Variants in MTBP observed in about 807,000 individuals in gnomAD.
The protein encoded by MTBP is MDM2 binding protein.
Under a neutral mutation model 117.0 loss-of-function variants are expected in MTBP, and 101 were observed. That is an observed-to-expected ratio of 0.86 (90% CI 0.73 to 1.02). The LOEUF is 1.02. Among genes scored for constraint, MTBP ranks in the 50% least tolerant of loss-of-function variants. The probability of loss-of-function intolerance (pLI) is 0.00; values close to 1 mark genes in which losing one functional copy is unlikely to be tolerated. For synonymous variants in MTBP, 350 were observed against 351.5 expected, an observed-to-expected ratio of 1.00 and a Z score of 0.05; for missense variants, 970 against 1,030.9, an observed-to-expected ratio of 0.94 and a Z score of 0.81.
In MTBP at chr8:120,455,598, A is replaced by T; in HGVS notation, c.629+19A>T. 6.2e-7 allele frequency: 1 copy of T among 1,600,384 alleles called. No homozygotes were observed. Among genetic ancestry groups the T allele is most frequent in the Non-Finnish European group, 8.5e-7 (1 of 1,175,150 alleles). ...GTGAAATGTAAGCTTCTTTGTTCAT[A>T]TTTGATTATTGTCTGCCTTGTCTGT... On this transcript the variant is annotated intron_variant, in intron 6 of 21. Coordinates refer to ENST00000305949, the MANE Select transcript of MTBP (RefSeq NM_022045.5).
intron 11 of MTBP, chr8:120,473,177 T>C (rs2130552112): frequency 6.6e-6 from 1 of 152,304 alleles, no homozygotes; most frequent in South Asian, 2.1e-4. Context: ...GCTATATTCT[T>C]TTTTTAAATT....
intron 19 of MTBP, 36 bp downstream of exon 19, chr8:120,518,136 T>G (rs1298753926): frequency 6.5e-7 from 1 of 1,530,700 alleles, no homozygotes; most frequent in African/African-American, 1.4e-5. Flanking sequence ...TAGTTCTACA[T>G]AGGAAGACTT....
At chr8:120,475,876 C>A (rs1813924209) in intron 11 of MTBP, among the ~76,000 whole-genome samples, 1 of 151,916 alleles carries the variant, frequency 6.6e-6, no homozygotes, top group Admixed American at 6.6e-5. Flanking sequence ...TCATCTGCAA[C>A]CTAAACAAAT....
At chr8:120,515,023 G>A (rs985175748) in intron 17 of MTBP, among the ~76,000 whole-genome samples, 5 of 142,444 alleles carry the variant, frequency 3.5e-5, no homozygotes, top group African/African-American at 1.2e-4. Flanking sequence ...CCTCCATCAA[G>A]CAGTCAGATG....
intron 19 of MTBP, among the ~76,000 whole-genome samples, chr8:120,518,496 C>A (rs1400419832): frequency 6.6e-6 from 1 of 151,978 alleles, no homozygotes; most frequent in Non-Finnish European, 1.5e-5. Flanking sequence ...ACACTGTAGT[C>A]ATTTCCTGCT....
intron 1 of MTBP, 122 bp downstream of exon 1, chr8:120,445,710 A>G (rs1038765969): frequency 2.6e-6 from 2 of 757,494 alleles, no homozygotes. Flanking sequence ...CTGGGACTCT[A>G]TCTGGGATAG....
At chr8:120,476,081 A>C (rs1813930641) in intron 11 of MTBP, among the ~76,000 whole-genome samples, 1 of 152,102 alleles carries the variant, frequency 6.6e-6, no homozygotes, top group African/African-American at 2.4e-5. Context: ...GGGTGGAATT[A>C]GAATTTCTAC....
At chr8:120,451,573 A>G (rs1563782849) in intron 4 of MTBP, 1 of 364,818 alleles carries the variant, frequency 2.7e-6, no homozygotes, top group South Asian at 3.3e-5. Context: ...TTGAAGATAA[A>G]TTCTGCCTAA....
In MTBP at chr8:120,497,512, C is replaced by A. The variant is rs966168064; in HGVS notation, c.1567C>A (p.Leu523Ile). The A allele has an allele frequency of 6.4e-7, 1 of 1,571,566 alleles. No homozygotes were observed. The highest frequency in any genetic ancestry group is 1.1e-5 in the South Asian group (1 of 86,968). Reference sequence around the variant, plus strand: ...TGATGCTGTGATTCCTAAAATGATTCTAAGAAAGATGGACAAAATTAAAAC... The same window carrying A: ...TGATGCTGTGATTCCTAAAATGATTATAAGAAAGATGGACAAAATTAAAAC... ...YFDAVIPKMI[L>I]RKMDKIKTFN... The change falls in exon 14 of 22, where the codon CTA becomes ATA. Residue 523 changes from leucine to isoleucine, a missense_variant. Physicochemically the swap from Leu to Ile is conservative, Grantham distance 5. Coordinates refer to ENST00000305949, the MANE Select transcript of MTBP (RefSeq NM_022045.5).
At chr8:120,465,038 G>A (rs929791399) in intron 10 of MTBP, among the ~76,000 whole-genome samples, 2 of 152,068 alleles carry the variant, frequency 1.3e-5, no homozygotes, top group Non-Finnish European at 2.9e-5. Flanking sequence ...AGATTAATAA[G>A]GCCATACATT....
chr8:120,509,571 C>T (rs574749660), intron 16 of MTBP, among the ~76,000 whole-genome samples: 89 of 152,236 alleles, frequency 5.8e-4, no homozygotes, highest in African/African-American at 2.0e-3. Context: ...CACTACACCC[C>T]AGCCTGGACG....
At chr8:120,458,056 C>T (rs978008626) in intron 7 of MTBP, among the ~76,000 whole-genome samples, 1 of 151,872 alleles carries the variant, frequency 6.6e-6, no homozygotes, top group Admixed American at 6.6e-5. Flanking sequence ...TGCTTACATA[C>T]AGAGAGATAA....
intron 12 of MTBP, among the ~76,000 whole-genome samples, chr8:120,489,607 A>C (rs1250297755): frequency 6.6e-6 from 1 of 152,182 alleles, no homozygotes; most frequent in Non-Finnish European, 1.5e-5. Flanking sequence ...TCCACCATGT[A>C]CTGGTTACCA....
intron 13 of MTBP, among the ~76,000 whole-genome samples, chr8:120,492,706 T>C (rs1434325627): frequency 6.6e-6 from 1 of 152,182 alleles, no homozygotes; most frequent in East Asian, 1.9e-4. Context: ...TACTCACTAA[T>C]AACACTATTG....
At chr8:120,464,745 A>G (rs1563788558) in intron 10 of MTBP, among the ~76,000 whole-genome samples, 1 of 152,126 alleles carries the variant, frequency 6.6e-6, no homozygotes, top group Non-Finnish European at 1.5e-5. Context: ...GGCCTTTACC[A>G]ATATTAACCT....
intron 13 of MTBP, among the ~76,000 whole-genome samples, chr8:120,496,221 C>T (rs1187765876): frequency 6.6e-6 from 1 of 152,174 alleles, no homozygotes; most frequent in Non-Finnish European, 1.5e-5. Flanking sequence ...TCAGAAGAAT[C>T]TATCAGAGCA....
intron 14 of MTBP, 23 bp from the exon 15 acceptor site, chr8:120,502,469 T>G (rs2130602146): frequency 6.2e-6 from 9 of 1,460,870 alleles, no homozygotes; most frequent in Non-Finnish European, 8.5e-6. Context: ...TTTTCAGACT[T>G]ATGTGTATTT....
chr8:120,499,595 G>A (rs967993635), intron 14 of MTBP, among the ~76,000 whole-genome samples: 3 of 152,076 alleles, frequency 2.0e-5, no homozygotes, highest in African/African-American at 7.2e-5. Context: ...CATAATGAAA[G>A]AAACACTAAG....
chr8:120,518,530 C>A (rs1236414194), intron 19 of MTBP, among the ~76,000 whole-genome samples, 174 bp from the exon 20 acceptor site: 1 of 147,138 alleles, frequency 6.8e-6, no homozygotes, highest in Non-Finnish European at 1.5e-5. Context: ...TGTGACACTT[C>A]TGACCATGTA....
Sources: gnomAD v4.1 joint callset for allele counts (sites outside exome capture counted in the v4.1 genomes callset) on GRCh38, gnomAD v4.1.1 for gene constraint, MANE v1.5 for transcripts, NCBI Gene and HGNC (gene_info 2026-07-23, HGNC 2026-07-21) for gene names.